COBL: variants seen among roughly 807,000 people sequenced by gnomAD.
COBL encodes protein cordon-bleu.
COBL carries 51 observed loss-of-function variants against 98.8 expected under a neutral mutation model. The observed-to-expected ratio is 0.52, with a 90% CI of 0.41 to 0.65. The LOEUF (loss-of-function observed/expected upper bound fraction) is 0.65. Ranked by LOEUF, COBL falls within the 30% of genes least tolerant of loss-of-function variation. COBL has a pLI of 0.00. For missense variants in COBL, 1,617 were observed against 1,617.5 expected (o/e 1.00, Z 0.01); for synonymous variants, 634 against 651.7 (o/e 0.97, Z 0.41).
intron 1 of COBL, among the ~76,000 whole-genome samples, chr7:51,314,952 C>G (rs1456620985): frequency 6.6e-6 from 1 of 152,202 alleles, no homozygotes; most frequent in Non-Finnish European, 1.5e-5. Context: ...TAAGTCCTTT[C>G]ACTTCTATCA....
intron 7 of COBL, among the ~76,000 whole-genome samples, chr7:51,059,769 A>G: frequency 6.6e-6 from 1 of 152,138 alleles, no homozygotes. Flanking sequence ...TGCTGTTTGC[A>G]CTAACTCCAC....
At chr7:51,276,176 G>A (rs2129170543) in intron 1 of COBL, among the ~76,000 whole-genome samples, 1 of 152,320 alleles carries the variant, frequency 6.6e-6, no homozygotes, top group East Asian at 1.9e-4. Flanking sequence ...TCACAGATAT[G>A]GGCTGGGTGA....
chr7:51,158,044 A>G (rs1786369168), intron 5 of COBL, among the ~76,000 whole-genome samples: 1 of 152,312 alleles, frequency 6.6e-6, no homozygotes, highest in Admixed American at 6.5e-5. Flanking sequence ...GGGAAGGAAG[A>G]AGAGAGCCAG....
At chr7:51,171,742 T>A (rs1289011422) in intron 5 of COBL, among the ~76,000 whole-genome samples, 2 of 152,170 alleles carry the variant, frequency 1.3e-5, no homozygotes, top group African/African-American at 4.8e-5. Flanking sequence ...ATAACTTAGA[T>A]ATTTTAATTT....
chr7:51,109,817 A>T (rs191612078), intron 6 of COBL, among the ~76,000 whole-genome samples: 73 of 152,316 alleles, frequency 4.8e-4, no homozygotes, highest in Non-Finnish European at 8.5e-4. Context: ...TCATGTTAGT[A>T]GTGCCACCTT....
intron 6 of COBL, among the ~76,000 whole-genome samples, chr7:51,100,663 G>A (rs1267397359): frequency 6.6e-6 from 1 of 152,218 alleles, no homozygotes; most frequent in African/African-American, 2.4e-5. Context: ...CACTTTGGGA[G>A]GCTGAGGCAG....
chr7:51,188,590 G>C (rs1488634345), intron 4 of COBL, among the ~76,000 whole-genome samples: 2 of 152,210 alleles, frequency 1.3e-5, no homozygotes, highest in East Asian at 3.9e-4. Context: ...TGGTGCCTTG[G>C]GGGTGGGGTG....
intron 7 of COBL, among the ~76,000 whole-genome samples, chr7:51,067,663 C>T (rs1027231300): frequency 9.2e-5 from 14 of 152,240 alleles, no homozygotes; most frequent in Non-Finnish European, 1.2e-4. Flanking sequence ...AGGCAAGTTA[C>T]TAGACTCTTC....
intron 1 of COBL, among the ~76,000 whole-genome samples, chr7:51,310,979 G>A (rs1373086935): frequency 4.0e-5 from 6 of 151,144 alleles, no homozygotes; most frequent in African/African-American, 1.5e-4. Flanking sequence ...TTTTTTTTAA[G>A]GGATAAGGAC....
chr7:51,295,395 T>C (rs1256816527), intron 1 of COBL, among the ~76,000 whole-genome samples: 1 of 151,860 alleles, frequency 6.6e-6, no homozygotes, highest in Non-Finnish European at 1.5e-5. Context: ...TCCCAGAAAT[T>C]AGGGCAAAAA....
At chr7:51,200,958 G>T (rs1414135640) in intron 2 of COBL, among the ~76,000 whole-genome samples, 1 of 151,994 alleles carries the variant, frequency 6.6e-6, no homozygotes, top group Non-Finnish European at 1.5e-5. Context: ...TTAAAGAAAG[G>T]AGCCCGGCAT....
Position 51,199,226 on chromosome 7 carries a change from G to T in COBL, c.246-5637C>A, listed in dbSNP as rs189395309. Among the ~76,000 whole-genome samples, 7 of 152,262 alleles carry T rather than the reference G, an allele frequency of 4.6e-5. No individual in the cohort carries two copies. The East Asian group carries it at 1.3e-3, about 29-fold the overall frequency. On this transcript the variant is annotated intron_variant, in intron 2 of 12. Transcript: ENST00000265136. ...CTTGGTGACAGGTTCCCCAAGCTCA[G>T]TCCCAACTGCAGACCCTGAAACGGC...
chr7:51,125,090 G>A (rs1259033835), intron 6 of COBL, among the ~76,000 whole-genome samples: 1 of 152,212 alleles, frequency 6.6e-6, no homozygotes, highest in African/African-American at 2.4e-5. Flanking sequence ...TGGGATTACA[G>A]GCGTGAGCCA....
chr7:51,025,486 G>C (rs1787461363), intron 11 of COBL, 114 bp from the exon 12 acceptor site: 2 of 1,073,198 alleles, frequency 1.9e-6, no homozygotes, highest in Middle Eastern at 2.5e-4. Flanking sequence ...GGGGTGACTA[G>C]GTCATGAGGT....
chr7:51,309,563 G>C (rs189838001), intron 1 of COBL, among the ~76,000 whole-genome samples: 1 of 152,150 alleles, frequency 6.6e-6, no homozygotes, highest in Admixed American at 6.5e-5. Context: ...CCAGTTGATC[G>C]GTCTGTTCTC....
rs1342213481 is a variant in COBL, at chr7:51,018,903, A to T, written c.3769-1335T>A. On this transcript the variant is annotated intron_variant, in intron 12 of 12. Coordinates refer to ENST00000265136, the MANE Select transcript of COBL (RefSeq NM_015198.5). Reference sequence around the variant, plus strand: ...AGAAACTCCATCTCAAAAAAAAAAAAAAATATATATATATATATATATATA... The same window carrying T: ...AGAAACTCCATCTCAAAAAAAAAAATAAATATATATATATATATATATATA... 5.9e-4 allele frequency among the ~76,000 whole-genome samples: 34 copies of T among 57,210 alleles called. 2 individuals are homozygous for T. Among genetic ancestry groups the T allele is most frequent in the African/African-American group, 2.7e-3 (33 of 12,344 alleles). 37.5% of individuals were successfully genotyped at this position (57,210 alleles called of 152,430 possible). A position where few individuals can be genotyped will look rare whatever the true frequency, so the allele number is the denominator to read the frequency against.
At chr7:51,065,185 A>G (rs1372603891) in intron 7 of COBL, 6 of 703,222 alleles carry the variant, frequency 8.5e-6, no homozygotes, top group Non-Finnish European at 1.3e-5. Flanking sequence ...AGAGGTAGGT[A>G]AGACACAAGA....
At chr7:51,164,230 G>T (rs1787082895) in intron 5 of COBL, among the ~76,000 whole-genome samples, 1 of 152,042 alleles carries the variant, frequency 6.6e-6, no homozygotes, top group Admixed American at 6.6e-5. Context: ...TAATATCAGA[G>T]AACATCTTAA....
chr7:51,193,610 C>A, intron 2 of COBL, 21 bp from the exon 3 acceptor site: 1 of 1,607,856 alleles, frequency 6.2e-7, no homozygotes, highest in Non-Finnish European at 8.5e-7. Flanking sequence ...GAAAACAAAT[C>A]ATGATTATTA....
Sources: gnomAD v4.1 joint callset for allele counts (sites outside exome capture counted in the v4.1 genomes callset) on GRCh38, gnomAD v4.1.1 for gene constraint, MANE v1.5 for transcripts, NCBI Gene and HGNC (gene_info 2026-07-23, HGNC 2026-07-21) for gene names.